The following BPTF variants were observed in gnomAD, a reference collection of about 807,000 sequenced individuals.
BPTF encodes nucleosome-remodeling factor subunit BPTF.
Under a neutral mutation model 292.5 loss-of-function variants are expected in BPTF, and 18 were observed. The observed-to-expected ratio is 0.06, with a 90% CI of 0.04 to 0.09. BPTF has a LOEUF of 0.09. Among genes scored for constraint, BPTF ranks in the 10% least tolerant of loss-of-function variants. The pLI, the probability that BPTF is intolerant of heterozygous loss-of-function variation, is 1.00. For synonymous variants in BPTF, 1,225 were observed against 1,251.9 expected (o/e 0.98, Z 0.45); for missense variants, 2,726 against 3,498.7 (o/e 0.78, Z 5.57).
intron 7 of BPTF, among the ~76,000 whole-genome samples, chr17:67,899,444 G>A (rs1003620784): frequency 1.3e-5 from 2 of 152,006 alleles, no homozygotes; most frequent in Non-Finnish European, 2.9e-5. Context: ...GTGACCCAGA[G>A]ACAAGTTTAT....
At chr17:67,848,446 A>T (rs1212863841) in intron 1 of BPTF, among the ~76,000 whole-genome samples, 2 of 152,198 alleles carry the variant, frequency 1.3e-5, no homozygotes, top group African/African-American at 2.4e-5. Flanking sequence ...AGGACCGTAC[A>T]AAGTGTCAGA....
chr17:67,922,910 G>A lies in BPTF; in HGVS notation c.5628G>A (p.Lys1876=), dbSNP rs147471740. The change falls in exon 14 of 28, where the codon AAG becomes AAA. Residue 1876 remains lysine, a synonymous_variant. Coordinates refer to ENST00000306378, the MANE Select transcript of BPTF (RefSeq NM_182641.4). The part of the protein sequence containing the change: ...ALRPKRPETP[K]QTGPVIIETW... ...GGCCAAAGAGACCAGAAACGCCCAA[G>A]CAAACTGGCCCTGTTATTATTGAAA... 2.5e-5 allele frequency: 40 copies of A among 1,613,976 alleles called. No individual in the cohort carries two copies. The highest frequency in any genetic ancestry group is 3.1e-5 in the Non-Finnish European group (37 of 1,180,040).
chr17:67,831,110 T>C (rs1037767782), intron 1 of BPTF, among the ~76,000 whole-genome samples: 4 of 152,184 alleles, frequency 2.6e-5, no homozygotes, highest in Non-Finnish European at 4.4e-5. Flanking sequence ...CCACGAAGTA[T>C]AGCTTAGATT....
At chr17:67,947,877 G>A (rs782551259) in intron 22 of BPTF, 69 bp downstream of exon 22, 288 of 1,426,500 alleles carry the variant, frequency 2.0e-4, no homozygotes, top group Non-Finnish European at 2.6e-4. Context: ...ACAGAGTTCT[G>A]AGTTTATACT....
Position 67,969,374 on chromosome 17 carries a change from C to T in BPTF, c.8539+2718C>T, listed in dbSNP as rs367955857. 9.6e-5 allele frequency among the ~76,000 whole-genome samples: 14 copies of T among 145,814 alleles called. No homozygotes were observed. The East Asian group carries it at 1.2e-3, about 13-fold the overall frequency. ...GGCTGAGGCACAAAAATCAGTTGAA[C>T]CTGAGAGGCAGAGGTTGCTGTGAGA... On this transcript the variant is annotated intron_variant, in intron 26 of 27. Transcript: ENST00000306378.
intron 19 of BPTF, among the ~76,000 whole-genome samples, chr17:67,941,138 A>G (rs149528471): frequency 6.6e-6 from 1 of 152,226 alleles, no homozygotes; most frequent in Non-Finnish European, 1.5e-5. Context: ...TTTGCCCTAT[A>G]TATGATAACT....
Position 67,924,487 on chromosome 17 carries a change from A to G in BPTF, c.5709-60A>G, listed in dbSNP as rs573015884. The G allele has an allele frequency of 1.0e-4, 150 of 1,506,860 alleles. 2 individuals carry two copies. In the South Asian group the frequency reaches 1.6e-3, roughly 16 times the overall value. 93.3% of individuals were successfully genotyped at this position (1,506,860 alleles called of 1,614,324 possible). On this transcript the variant is annotated intron_variant, in intron 14 of 27. Transcript: ENST00000306378. ...TGAAAATCAACCAGATTTCACTCTT[A>G]TTAGATGCCAGATGCCTAACAGGCT...
At chr17:67,828,493 A>C (rs905864373) in intron 1 of BPTF, among the ~76,000 whole-genome samples, 2 of 152,206 alleles carry the variant, frequency 1.3e-5, no homozygotes, top group African/African-American at 2.4e-5. Context: ...GTGTCCTTTA[A>C]GAAAAATGTG....
chr17:67,923,111 AGT>A (rs2063569501), intron 14 of BPTF, 121 bp downstream of exon 14: 1 of 1,178,656 alleles, frequency 8.5e-7, no homozygotes, highest in South Asian at 1.6e-5. Flanking sequence ...GCTGGAGTGC[AGT>A]GGCACAATCT....
At chr17:67,853,323 C>G (rs1045920815) in intron 1 of BPTF, among the ~76,000 whole-genome samples, 3 of 152,138 alleles carry the variant, frequency 2.0e-5, no homozygotes, top group Non-Finnish European at 4.4e-5. Flanking sequence ...TCTTTTCCCC[C>G]AGCATTGGAA....
At chr17:67,865,636 C>T (rs532180189) in intron 2 of BPTF, among the ~76,000 whole-genome samples, 8 of 152,218 alleles carry the variant, frequency 5.3e-5, no homozygotes, top group African/African-American at 1.9e-4. Flanking sequence ...TCACTCTCAT[C>T]GAGTGCCTCA....
intron 23 of BPTF, among the ~76,000 whole-genome samples, chr17:67,949,640 CATAT>C (rs10569005): frequency 1.0e-4 from 15 of 150,366 alleles, no homozygotes; most frequent in African/African-American, 1.7e-4. Context: ...CACATACGTA[CATAT>C]ATATATATAC....
intron 1 of BPTF, among the ~76,000 whole-genome samples, chr17:67,853,146 C>G (rs1021559903): frequency 1.3e-5 from 2 of 152,108 alleles, no homozygotes; most frequent in East Asian, 3.9e-4. Context: ...GAGATAGATA[C>G]GTTTGTTAAA....
chr17:67,932,824 C>T (rs1010915681), intron 18 of BPTF, among the ~76,000 whole-genome samples: 2 of 151,850 alleles, frequency 1.3e-5, no homozygotes, highest in Admixed American at 6.6e-5. Flanking sequence ...GAGATGGACA[C>T]AGGCACATGA....
chr17:67,975,720 C>A, intron 26 of BPTF, 52 bp from the exon 27 acceptor site: 1 of 1,497,980 alleles, frequency 6.7e-7, no homozygotes. Flanking sequence ...AGAATATTCA[C>A]ATTGGAAAAA....
Position 67,871,212 on chromosome 17 carries a change from T to G in BPTF, c.1661-3605T>G, listed in dbSNP as rs549619473. The stretch of plus-strand genomic sequence containing the variant: ...TCAATATTTTATTAAAAATTTCAAA[T>G]GTACACAAAAGTTGAAAGAATTATA... On this transcript the variant is annotated intron_variant, in intron 3 of 27. Coordinates refer to ENST00000306378, the MANE Select transcript of BPTF (RefSeq NM_182641.4). Among the ~76,000 whole-genome samples the G allele has an allele frequency of 2.6e-5, 4 of 152,174 alleles. No homozygotes were observed. In the South Asian group the frequency reaches 8.3e-4, roughly 31 times the overall value.
chr17:67,966,372 G>T (rs1390418166), intron 25 of BPTF, 200 bp from the exon 26 acceptor site: 2 of 503,428 alleles, frequency 4.0e-6, no homozygotes, highest in African/African-American at 2.0e-5. Flanking sequence ...AAAGTCTTCT[G>T]ACCAGCCTTT....
intron 4 of BPTF, among the ~76,000 whole-genome samples, chr17:67,887,267 C>G (rs1427903915): frequency 6.6e-6 from 1 of 152,090 alleles, no homozygotes; most frequent in African/African-American, 2.4e-5. Context: ...TTATTCATAT[C>G]TTTTTCTCAC....
At chr17:67,888,002 G>C (rs918649948) in intron 4 of BPTF, among the ~76,000 whole-genome samples, 1 of 152,178 alleles carries the variant, frequency 6.6e-6, no homozygotes, top group African/African-American at 2.4e-5. Context: ...GGGCAGGCAA[G>C]GTACTACGAT....
Sources: gnomAD v4.1 joint callset for allele counts (sites outside exome capture counted in the v4.1 genomes callset) on GRCh38, gnomAD v4.1.1 for gene constraint, MANE v1.5 for transcripts, NCBI Gene and HGNC (gene_info 2026-07-23, HGNC 2026-07-21) for gene names.